The following ATXN7L1 variants were observed in gnomAD, a reference collection of about 807,000 sequenced individuals.
The protein encoded by ATXN7L1 is ataxin 7 like 1, also known as ataxin-7-like protein 1.
In ATXN7L1, 15 loss-of-function variants were observed where a neutral mutation model predicts 70.8. The observed-to-expected ratio is 0.21, with a 90% confidence interval of 0.14 to 0.33. ATXN7L1 has a LOEUF of 0.33. Ranked by LOEUF, ATXN7L1 falls within the 10% of genes least tolerant of loss-of-function variation. ATXN7L1 has a pLI of 1.00. For synonymous variants in ATXN7L1, 440 were observed against 445.1 expected (o/e 0.99, Z 0.14); for missense variants, 975 against 1,097.1 (o/e 0.89, Z 1.57).
chr7:105,769,527 G>A (rs1028828867), intron 3 of ATXN7L1, among the ~76,000 whole-genome samples: 1 of 152,180 alleles, frequency 6.6e-6, no homozygotes, highest in Non-Finnish European at 1.5e-5. Context: ...CCGAGCACAG[G>A]AAGTTTGTTG....
intron 3 of ATXN7L1, among the ~76,000 whole-genome samples, chr7:105,728,811 A>C (rs1227000279): frequency 6.6e-6 from 1 of 152,150 alleles, no homozygotes; most frequent in Non-Finnish European, 1.5e-5. Flanking sequence ...AAAATCCTAC[A>C]AGGATAGGTG....
At chr7:105,865,344 A>G (rs1221894020) in intron 2 of ATXN7L1, among the ~76,000 whole-genome samples, 1 of 152,208 alleles carries the variant, frequency 6.6e-6, no homozygotes, top group Non-Finnish European at 1.5e-5. Flanking sequence ...CAAGCCTGCA[A>G]TGCCAATGAA....
At chr7:105,616,022 A>G (rs921234683) in intron 9 of ATXN7L1, among the ~76,000 whole-genome samples, 1 of 152,246 alleles carries the variant, frequency 6.6e-6, no homozygotes, top group Non-Finnish European at 1.5e-5. Context: ...AGGAAAGCAC[A>G]TGGCCCTCGG....
chr7:105,780,466 AAT>A (rs1406846003), intron 3 of ATXN7L1, among the ~76,000 whole-genome samples: 3 of 152,170 alleles, frequency 2.0e-5, no homozygotes, highest in African/African-American at 7.2e-5. Context: ...CAGAAAAGGG[AAT>A]AAAAAGCCCT....
intron 3 of ATXN7L1, among the ~76,000 whole-genome samples, chr7:105,701,989 T>C (rs2116237685): frequency 6.6e-6 from 1 of 152,334 alleles, no homozygotes; most frequent in South Asian, 2.1e-4. Context: ...GTTACTTCCT[T>C]GGCAGCAGCA....
At chr7:105,762,371 A>G (rs1800666147) in intron 3 of ATXN7L1, among the ~76,000 whole-genome samples, 1 of 152,184 alleles carries the variant, frequency 6.6e-6, no homozygotes, top group African/African-American at 2.4e-5. Context: ...TCTCCAGCAC[A>G]GCCTTGGGTC....
chr7:105,763,939 C>T (rs940466314), intron 3 of ATXN7L1, among the ~76,000 whole-genome samples: 12 of 152,048 alleles, frequency 7.9e-5, no homozygotes, highest in South Asian at 2.1e-4. Context: ...CTGCAACCTC[C>T]GCCTCTCGGG....
chr7:105,655,866 T>C (rs1279997980), intron 4 of ATXN7L1, among the ~76,000 whole-genome samples: 2 of 151,858 alleles, frequency 1.3e-5, no homozygotes, highest in Admixed American at 1.3e-4. Flanking sequence ...GAGGGAGCCC[T>C]CCCCCACCTG....
chr7:105,624,420 G>A (rs1311915034), intron 7 of ATXN7L1, among the ~76,000 whole-genome samples, 153 bp from the exon 8 acceptor site: 1 of 152,208 alleles, frequency 6.6e-6, no homozygotes, highest in Non-Finnish European at 1.5e-5. Context: ...GGGAGGCCAA[G>A]GCGGGCAGAT....
intron 3 of ATXN7L1, among the ~76,000 whole-genome samples, chr7:105,735,115 A>G (rs762336175): frequency 1.8e-4 from 28 of 152,200 alleles, no homozygotes; most frequent in Admixed American, 7.8e-4. Flanking sequence ...TTTCAAATTA[A>G]ATACCTCGAA....
chr7:105,654,296 G>A (rs1025870866), intron 4 of ATXN7L1, among the ~76,000 whole-genome samples: 3 of 152,276 alleles, frequency 2.0e-5, no homozygotes, highest in African/African-American at 7.2e-5. Context: ...CAAAGGTGAA[G>A]TGTCCGCTCA....
intron 3 of ATXN7L1, among the ~76,000 whole-genome samples, chr7:105,736,888 C>G (rs547601067): frequency 6.6e-6 from 1 of 152,104 alleles, no homozygotes; most frequent in Non-Finnish European, 1.5e-5. Flanking sequence ...TTTCTCAAAG[C>G]TTTTGAGATA....
chr7:105,657,369 C>T (rs1196367896), intron 4 of ATXN7L1, among the ~76,000 whole-genome samples: 2 of 152,134 alleles, frequency 1.3e-5, no homozygotes, highest in Non-Finnish European at 2.9e-5. Flanking sequence ...GCCTATGTGT[C>T]TAGATCCAGC....
chr7:105,643,781 C>G (rs1181563922), intron 4 of ATXN7L1, among the ~76,000 whole-genome samples: 7 of 152,258 alleles, frequency 4.6e-5, no homozygotes, highest in African/African-American at 1.4e-4. Context: ...ATTCTCAAGG[C>G]TGGCAGGTGA....
chr7:105,625,605 A>G (rs750879190), intron 7 of ATXN7L1, among the ~76,000 whole-genome samples: 13 of 152,214 alleles, frequency 8.5e-5, no homozygotes, highest in African/African-American at 1.2e-4. Context: ...ATTGGCTCAT[A>G]GTAGGTGCTA....
chr7:105,619,526 ATATATTTTTTTTTTTTTTTTT>A (rs1270121414), intron 9 of ATXN7L1, among the ~76,000 whole-genome samples: 30 of 16,404 alleles, frequency 1.8e-3, no homozygotes, highest in East Asian at 0.01. Flanking sequence ...ATATATATAT[ATATATTTTTTTTTTTTTTTTT>A]TTTTTTTTTT....
At chr7:105,608,531 C>T (rs373685002) in intron 11 of ATXN7L1, among the ~76,000 whole-genome samples, 35 of 152,180 alleles carry the variant, frequency 2.3e-4, no homozygotes, top group African/African-American at 6.3e-4. Flanking sequence ...CAGGTGTACC[C>T]GGAGCTATGG....
chr7:105,686,083 C>G lies in ATXN7L1; in HGVS notation c.356-20795G>C, dbSNP rs181607517. ...AATGAATTTTCCTCTCCTCGTCCAT[C>G]TAAGGTTAGTTTCCCAACTTCCAGG... On this transcript the variant is annotated intron_variant, in intron 3 of 11. Coordinates refer to ENST00000419735, the MANE Select transcript of ATXN7L1 (RefSeq NM_020725.2). Among the ~76,000 whole-genome samples the G allele has an allele frequency of 4.6e-5, 7 of 151,826 alleles. No homozygotes were observed. In the East Asian group the frequency reaches 1.4e-3, roughly 29 times the overall value.
At chr7:105,843,108 T>G (rs1383149842) in intron 2 of ATXN7L1, among the ~76,000 whole-genome samples, 2 of 152,294 alleles carry the variant, frequency 1.3e-5, no homozygotes, top group African/African-American at 2.4e-5. Context: ...ACCTAGAGAC[T>G]GCAGCAGGGA....
Sources: allele counts gnomAD v4.1 joint callset (sites outside exome capture counted in the v4.1 genomes callset), GRCh38; gene constraint gnomAD v4.1.1; transcripts MANE v1.5; gene names NCBI Gene and HGNC (gene_info 2026-07-23, HGNC 2026-07-21).